The following MYRF variants were observed in gnomAD, a reference collection of about 807,000 sequenced individuals.
The protein encoded by MYRF is myelin regulatory factor.
A neutral mutation model predicts 126.3 loss-of-function variants in MYRF; 16 were observed. The ratio of observed to expected loss-of-function variants is 0.13; its 90% CI spans 0.09 to 0.19. The LOEUF is 0.19. Among genes scored for constraint, MYRF ranks in the 10% least tolerant of loss-of-function variants. MYRF has a pLI of 1.00. For synonymous variants in MYRF, 608 were observed against 635.3 expected (o/e 0.96, Z 0.65); for missense variants, 1,104 against 1,547.0 (o/e 0.71, Z 4.80).
At chr11:61,763,864 CA>C (rs900290691) in intron 1 of MYRF, among the ~76,000 whole-genome samples, 11 of 145,568 alleles carry the variant, frequency 7.6e-5, no homozygotes, top group African/African-American at 5.0e-5. Flanking sequence ...GACTCAGTCT[CA>C]AAAAAAAAAG....
intron 1 of MYRF, among the ~76,000 whole-genome samples, chr11:61,761,102 C>T (rs1194741148): frequency 6.6e-6 from 1 of 151,902 alleles, no homozygotes; most frequent in Non-Finnish European, 1.5e-5. Context: ...ACGTGGCTGA[C>T]GGGATTTCCG....
rs778604828 is a variant in MYRF at position 61,771,460 on chromosome 11, G to T, written c.741-40G>T. 15 of 1,588,378 alleles carry T rather than the reference G, an allele frequency of 9.4e-6. No individual in the cohort carries two copies. The East Asian group carries it at 2.7e-4, about 29-fold the overall frequency. On this transcript the variant is annotated intron_variant, in intron 5 of 26. Coordinates refer to ENST00000278836, the MANE Select transcript of MYRF (RefSeq NM_001127392.3). ...ATACTACCCAGTGGGAGGGGCTCGG[G>T]GAGAGCCAGCCCCCACGGCGCACAC...
At position 61,757,390 on chromosome 11, in the gene MYRF, G is replaced by A. The variant is rs1227676037; in HGVS notation, c.46+4600G>A. The A allele has an allele frequency of 4.4e-6, 2 of 452,488 alleles. No individual in the cohort carries two copies. Among genetic ancestry groups the A allele is most frequent in the Non-Finnish European group, 8.9e-6 (2 of 223,726 alleles). 28.0% of individuals were successfully genotyped at this position (452,488 alleles called of 1,614,324 possible). On this transcript the variant is annotated intron_variant, in intron 1 of 26. Coordinates refer to ENST00000278836, the MANE Select transcript of MYRF (RefSeq NM_001127392.3). The surrounding 1 kb of genome is among the most constrained non-coding windows in gnomAD (Gnocchi z 4.7). ...TGTAAAACGGGAGTGCAGTTGTAATGGCAGGGCCTCCGTCCCAGGGTTTCT... is the reference window on the plus strand; with the variant it reads ...TGTAAAACGGGAGTGCAGTTGTAATAGCAGGGCCTCCGTCCCAGGGTTTCT...
rs201651661 is a variant in MYRF at position 61,779,403 on chromosome 11, C to G, written c.2154C>G (p.Thr718=). The G allele has an allele frequency of 1.3e-6, 2 of 1,551,182 alleles. No individual in the cohort carries two copies. The highest frequency in any genetic ancestry group is 1.7e-6 in the Non-Finnish European group (2 of 1,146,888). ...KLRRLDSLKS[T]GSSGAFSHAG... is the part of the protein sequence containing the mutation. ...GGCGGCTCGACAGCCTCAAGTCCAC[C>G]GGCAGCTCGGGCGCCTTCAGGTAGG... The change falls in exon 15 of 27, where the codon ACC becomes ACG. Residue 718 remains threonine (T), a synonymous_variant. Transcript: ENST00000278836.
In MYRF at chr11:61,787,267, C is replaced by A. The variant is rs920426506; in HGVS notation, c.*1124C>A. The A allele has an allele frequency of 6.6e-6, 1 of 152,286 alleles. No homozygotes were observed. The highest frequency in any genetic ancestry group is 2.4e-5 in the African/African-American group (1 of 41,396). The allele number at this position is 152,286 out of a possible 1,614,324, so 9.4% of individuals were successfully genotyped here. On this transcript the variant is annotated 3_prime_UTR_variant, in exon 27 of 27. Transcript: ENST00000278836. Reference sequence around the variant, plus strand: ...ACTCTGATCCCTCCCAGGGAGCCTCCGACACCCATCCCACTCCCAACCACC... The same window carrying A: ...ACTCTGATCCCTCCCAGGGAGCCTCAGACACCCATCCCACTCCCAACCACC...
chr11:61,770,590 G>A, intron 5 of MYRF, 65 bp downstream of exon 5: 2 of 1,463,020 alleles, frequency 1.4e-6, no homozygotes, highest in East Asian at 2.5e-5. Context: ...GGTGGGCAGG[G>A]CGGCGGGCAG....
intron 25 of MYRF, chr11:61,784,589 C>T (rs369025368): frequency 1.4e-5 from 8 of 568,664 alleles, no homozygotes; most frequent in East Asian, 8.7e-5. Flanking sequence ...TGCTGAGCAT[C>T]TCCCAGCCCT....
intron 1 of MYRF, among the ~76,000 whole-genome samples, chr11:61,756,889 C>T (rs1023404848): frequency 6.6e-6 from 1 of 152,060 alleles, no homozygotes; most frequent in African/African-American, 2.4e-5. Context: ...GGGCCTGACT[C>T]CCCAATTACC....
chr11:61,753,683 A>C (rs2065668637), intron 1 of MYRF, among the ~76,000 whole-genome samples: 1 of 150,620 alleles, frequency 6.6e-6, no homozygotes, highest in Non-Finnish European at 1.5e-5. Context: ...TCTGGGGTGG[A>C]ATTGACATAC....
chr11:61,783,054 G>C lies in MYRF; in HGVS notation c.3017-444G>C, dbSNP rs569298019. 1 of 159,086 alleles carries C rather than the reference G, an allele frequency of 6.3e-6. No individual in the cohort carries two copies. Among genetic ancestry groups the C allele is most frequent in the African/African-American group, 2.4e-5 (1 of 41,646 alleles). The allele number at this position is 159,086 out of a possible 1,614,324, so 9.9% of individuals were successfully genotyped here. On this transcript the variant is annotated intron_variant, in intron 22 of 26. Coordinates refer to ENST00000278836, the MANE Select transcript of MYRF (RefSeq NM_001127392.3). This position sits in a 1 kb window ranked among gnomAD's most constrained non-coding sequence, Gnocchi z 4.6. ...CAGTCGGTTTGTTCAGGGAGGCTGC[G>C]AGGAGCAGCGTGCTGGTAGCGGTGT... is the stretch of plus-strand genomic sequence containing the variant.
Position 61,761,755 on chromosome 11 carries a change from A to G in MYRF, c.47-3870A>G, listed in dbSNP as rs959723778. The stretch of plus-strand genomic sequence containing the variant: ...AGCCCAGTGCCTGCCCCTGTAAGCT[A>G]TGGGCACATGCCCATCCTTTCTGAG... On this transcript the variant is annotated intron_variant, in intron 1 of 26. Transcript: ENST00000278836. 2.0e-5 allele frequency among the ~76,000 whole-genome samples: 3 copies of G among 152,254 alleles called. No individual in the cohort carries two copies. The East Asian group carries it at 5.8e-4, about 29-fold the overall frequency.
At chr11:61,774,899 G>A (rs1212481207) in intron 8 of MYRF, among the ~76,000 whole-genome samples, 1 of 151,998 alleles carries the variant, frequency 6.6e-6, no homozygotes, top group Non-Finnish European at 1.5e-5. Flanking sequence ...CCTCTACCAG[G>A]TGCCTCAGCT....
At chr11:61,753,297 C>T (rs2065656806) in intron 1 of MYRF, among the ~76,000 whole-genome samples, 1 of 151,852 alleles carries the variant, frequency 6.6e-6, no homozygotes, top group African/African-American at 2.4e-5. Context: ...GTGTGCCCTT[C>T]TGGTTGGCGC....
At position 61,777,860 on chromosome 11, in the gene MYRF, G is replaced by C; in HGVS notation, c.1903+15G>C. The stretch of plus-strand genomic sequence containing the variant: ...GCCAGAGACAGGTAGGGACCGGGCT[G>C]GTGCGGACTGGGGTCCGGAAACCCA... On this transcript the variant is annotated intron_variant, in intron 13 of 26. Transcript: ENST00000278836. This position sits in a 1 kb window ranked among gnomAD's most constrained non-coding sequence, Gnocchi z 8.8. 6.5e-7 allele frequency: 1 copy of C among 1,548,218 alleles called. No homozygotes were observed. Among genetic ancestry groups the C allele is most frequent in the Non-Finnish European group, 8.7e-7 (1 of 1,144,608 alleles).
intron 1 of MYRF, among the ~76,000 whole-genome samples, chr11:61,761,221 G>A (rs928151938): frequency 1.2e-4 from 18 of 150,640 alleles, no homozygotes; most frequent in Non-Finnish European, 1.8e-4. Flanking sequence ...CCCGTTCCCC[G>A]GGACAATGGC....
Position 61,786,203 on chromosome 11 carries a change from C to T in MYRF, c.*60C>T. 1 of 1,508,940 alleles carries T rather than the reference C, an allele frequency of 6.6e-7. No homozygotes were observed. 93.5% of individuals were successfully genotyped at this position (1,508,940 alleles called of 1,614,324 possible). Reference sequence around the variant, plus strand: ...AGGGGTGCCCAGGCACCCCCCAACACTGGATGCAATGGTGTTACACTGGAG... The same window carrying T: ...AGGGGTGCCCAGGCACCCCCCAACATTGGATGCAATGGTGTTACACTGGAG... On this transcript the variant is annotated 3_prime_UTR_variant, in exon 27 of 27. Transcript: ENST00000278836. This position sits in a 1 kb window ranked among gnomAD's most constrained non-coding sequence, Gnocchi z 4.5.
chr11:61,755,387 G>A (rs752465205), intron 1 of MYRF: 1 of 1,601,064 alleles, frequency 6.2e-7, no homozygotes, highest in Non-Finnish European at 8.5e-7. Context: ...CAGATCGGCG[G>A]GCACAGGGCC....
intron 22 of MYRF, chr11:61,782,027 A>C (rs1482522140): frequency 5.5e-6 from 3 of 548,216 alleles, no homozygotes; most frequent in Non-Finnish European, 8.8e-6. Context: ...CCTGCAAGAA[A>C]GGAATTGTTG....
intron 20 of MYRF, 45 bp from the exon 21 acceptor site, chr11:61,781,092 CT>C: frequency 6.2e-7 from 1 of 1,611,258 alleles, no homozygotes; most frequent in Non-Finnish European, 8.5e-7. Context: ...TTGCTATGTT[CT>C]GTCTTTGGGG....
Sources: allele counts gnomAD v4.1 joint callset (sites outside exome capture counted in the v4.1 genomes callset), GRCh38; gene constraint gnomAD v4.1.1; non-coding constraint Gnocchi (gnomAD v3.1); transcripts MANE v1.5; gene names NCBI Gene and HGNC (gene_info 2026-07-23, HGNC 2026-07-21).